MYO16: variants seen among roughly 807,000 people sequenced by gnomAD.
The protein encoded by MYO16 is unconventional myosin-XVI.
Under a neutral mutation model 205.3 loss-of-function variants are expected in MYO16, and 94 were observed. The ratio of observed to expected loss-of-function variants is 0.46; its 90% confidence interval spans 0.39 to 0.54. The LOEUF is 0.54. Among genes scored for constraint, MYO16 ranks in the 20% least tolerant of loss-of-function variants. The pLI is 0.00. For synonymous variants in MYO16, 988 were observed against 954.0 expected (o/e 1.04, Z -0.66); for missense variants, 2,315 against 2,387.5 (o/e 0.97, Z 0.63).
chr13:108,758,366 CT>C (rs1343910660), intron 4 of MYO16, among the ~76,000 whole-genome samples: 3 of 152,024 alleles, frequency 2.0e-5, no homozygotes, highest in Non-Finnish European at 2.9e-5. Flanking sequence ...TATGTGTCCC[CT>C]AGGTAGATTT....
At chr13:109,005,763 G>A (rs1280528822) in intron 21 of MYO16, among the ~76,000 whole-genome samples, 1 of 152,034 alleles carries the variant, frequency 6.6e-6, no homozygotes, top group Non-Finnish European at 1.5e-5. Context: ...AGTCCACCCA[G>A]TCCCACGCCA....
chr13:108,939,240 A>G (rs1436039879), intron 16 of MYO16, among the ~76,000 whole-genome samples: 6 of 152,254 alleles, frequency 3.9e-5, no homozygotes. Flanking sequence ...TTTTTCTCAG[A>G]GCATCTTTCC....
At chr13:109,044,323 C>T (rs9555545) in intron 23 of MYO16, among the ~76,000 whole-genome samples, 51,426 of 151,922 alleles carry the variant, frequency 0.34, 9,629 homozygotes, top group East Asian at 0.82. Context: ...AAGAGAATAA[C>T]GTTAATAGGC....
At chr13:108,622,100 G>A (rs890086253) in intron 1 of MYO16, among the ~76,000 whole-genome samples, 2 of 152,010 alleles carry the variant, frequency 1.3e-5, no homozygotes, top group Non-Finnish European at 2.9e-5. Flanking sequence ...CTGGTTCATG[G>A]GTAAACATGG....
At chr13:108,796,622 A>G (rs1886796067) in intron 6 of MYO16, among the ~76,000 whole-genome samples, 3 of 152,114 alleles carry the variant, frequency 2.0e-5, no homozygotes, top group South Asian at 4.2e-4. Context: ...TTGTAGGGAC[A>G]TGGATGAAGC....
intron 2 of MYO16, among the ~76,000 whole-genome samples, chr13:108,683,551 A>C (rs28481318): frequency 0.018 from 2,725 of 152,306 alleles, 75 homozygotes; most frequent in African/African-American, 0.062. Context: ...TTATCTGAGA[A>C]GCTCTAACTG....
chr13:108,998,899 T>A (rs1429441344), intron 21 of MYO16, among the ~76,000 whole-genome samples: 1 of 152,204 alleles, frequency 6.6e-6, no homozygotes. Context: ...CTAGAGTGGC[T>A]TCCCCAAAGG....
intron 20 of MYO16, among the ~76,000 whole-genome samples, chr13:108,979,292 A>G (rs1884377388): frequency 6.6e-6 from 1 of 151,496 alleles, no homozygotes; most frequent in South Asian, 2.1e-4. Flanking sequence ...ATAGTTTCCA[A>G]TGATGTTTTT....
intron 7 of MYO16, among the ~76,000 whole-genome samples, chr13:108,813,702 C>A (rs958382289): frequency 1.3e-5 from 2 of 152,122 alleles, no homozygotes; most frequent in African/African-American, 2.4e-5. Flanking sequence ...AACACATACA[C>A]ACTCTCTCTC....
intron 34 of MYO16, among the ~76,000 whole-genome samples, chr13:109,202,805 C>G (rs1180625573): frequency 6.6e-6 from 1 of 152,126 alleles, no homozygotes; most frequent in Non-Finnish European, 1.5e-5. Context: ...TCAAACTATA[C>G]TATAAGGCCA....
chr13:108,764,688 T>A (rs1424161117), intron 4 of MYO16, among the ~76,000 whole-genome samples: 2 of 152,210 alleles, frequency 1.3e-5, no homozygotes, highest in African/African-American at 4.8e-5. Flanking sequence ...ATTTCTTTTC[T>A]TAGCTTTTTC....
At chr13:108,565,609 T>A in the MYO16 span, among the ~76,000 whole-genome samples, 7 of 152,184 alleles carry the variant, frequency 4.6e-5, no homozygotes, top group African/African-American at 1.7e-4. Context: ...AAATGTCAGA[T>A]CATATTATCT....
At chr13:108,943,481 G>A (rs977975663) in intron 16 of MYO16, among the ~76,000 whole-genome samples, 9 of 150,532 alleles carry the variant, frequency 6.0e-5, no homozygotes, top group Non-Finnish European at 1.2e-4. Flanking sequence ...TTTTTGAGAC[G>A]GAGTCTCACT....
intron 4 of MYO16, among the ~76,000 whole-genome samples, chr13:108,779,387 TG>T (rs1566323327): frequency 6.6e-6 from 1 of 152,308 alleles, no homozygotes; most frequent in East Asian, 1.9e-4. Context: ...TCAAGATAAC[TG>T]AAGAATGCAG....
At chr13:109,184,513 T>C (rs963500674) in intron 34 of MYO16, among the ~76,000 whole-genome samples, 1 of 152,192 alleles carries the variant, frequency 6.6e-6, no homozygotes, top group African/African-American at 2.4e-5. Flanking sequence ...TTTTTTCTGA[T>C]TAAGACACTA....
chr13:108,564,206 TCTTG>T, the MYO16 span, among the ~76,000 whole-genome samples: 2 of 150,700 alleles, frequency 1.3e-5, no homozygotes, highest in African/African-American at 4.9e-5. Flanking sequence ...GGTCTCGCTC[TCTTG>T]CCCAGGCTGG....
chr13:108,711,986 A>C (rs1209958265), intron 2 of MYO16, among the ~76,000 whole-genome samples: 3 of 152,214 alleles, frequency 2.0e-5, no homozygotes, highest in African/African-American at 7.2e-5. Context: ...CATTTTAAGT[A>C]GCAGAGAATG....
At chr13:108,907,178 C>T (rs993668178) in intron 15 of MYO16, among the ~76,000 whole-genome samples, 1 of 151,994 alleles carries the variant, frequency 6.6e-6, no homozygotes, top group Non-Finnish European at 1.5e-5. Context: ...CTTGAAAGAG[C>T]AAAGTTTATT....
Position 108,853,181 on chromosome 13 carries a change from G to A in MYO16, c.1249-2262G>A, listed in dbSNP as rs140953950. ...TCTGAGAGCTGTCAGTCTAGGTAGC[G>A]CTCGGTGCCTATGAGACTCCGCAAA... On this transcript the variant is annotated intron_variant, in intron 10 of 34. Coordinates refer to ENST00000457511, the MANE Select transcript of MYO16 (RefSeq NM_001198950.3). Among the ~76,000 whole-genome samples the A allele has an allele frequency of 8.8e-3, 1,345 of 152,346 alleles. 6 individuals carry two copies. The highest frequency in any genetic ancestry group is 0.017 in the Middle Eastern group (5 of 294).
Sources: allele counts gnomAD v4.1 joint callset (sites outside exome capture counted in the v4.1 genomes callset), GRCh38; gene constraint gnomAD v4.1.1; transcripts MANE v1.5; gene names NCBI Gene and HGNC (gene_info 2026-07-23, HGNC 2026-07-21).